The following SMYD3 variants were observed in gnomAD, a reference collection of about 807,000 sequenced individuals.
SMYD3 encodes histone-lysine N-methyltransferase SMYD3.
A neutral mutation model predicts 57.7 loss-of-function variants in SMYD3; 36 were observed. The ratio of observed to expected loss-of-function variants is 0.62; its 90% CI spans 0.48 to 0.82. The LOEUF (loss-of-function observed/expected upper bound fraction) is 0.82. SMYD3 is among the 40% of genes least tolerant of loss of function. The probability of loss-of-function intolerance (pLI) is 0.00; values close to 1 mark genes in which losing one functional copy is unlikely to be tolerated. For missense variants in SMYD3, 515 were observed against 538.8 expected (o/e 0.96, Z 0.44); for synonymous variants, 211 against 195.0 (o/e 1.08, Z -0.68).
At chr1:246,215,155 G>A (rs1035593668) in intron 5 of SMYD3, among the ~76,000 whole-genome samples, 1 of 152,126 alleles carries the variant, frequency 6.6e-6, no homozygotes, top group Non-Finnish European at 1.5e-5. Context: ...TAAAGAGGAT[G>A]TGAAACAGCA....
At chr1:245,940,860 G>A (rs1291321132) in intron 5 of SMYD3, among the ~76,000 whole-genome samples, 2 of 152,146 alleles carry the variant, frequency 1.3e-5, no homozygotes, top group African/African-American at 2.4e-5. Context: ...GGGTAATAAC[G>A]AACTTCACTG....
chr1:246,241,082 T>C (rs1170871199), intron 5 of SMYD3, among the ~76,000 whole-genome samples: 2 of 152,104 alleles, frequency 1.3e-5, no homozygotes, highest in African/African-American at 4.8e-5. Context: ...ATACCCTTTC[T>C]TTCTTTCTCC....
intron 1 of SMYD3, among the ~76,000 whole-genome samples, chr1:246,362,751 C>A (rs1390698532): frequency 6.6e-6 from 1 of 152,274 alleles, no homozygotes; most frequent in Non-Finnish European, 1.5e-5. Context: ...GACGGAGTCT[C>A]GTTCACTCAG....
intron 5 of SMYD3, among the ~76,000 whole-genome samples, chr1:246,001,830 C>G (rs2059053188): frequency 6.6e-6 from 1 of 152,260 alleles, no homozygotes; most frequent in Non-Finnish European, 1.5e-5. Context: ...GAGCTGGCAG[C>G]TACTCAGAGA....
chr1:245,853,406 G>C (rs1002906184), intron 10 of SMYD3, among the ~76,000 whole-genome samples: 1 of 152,218 alleles, frequency 6.6e-6, no homozygotes, highest in African/African-American at 2.4e-5. Context: ...CCCAAAGCAA[G>C]CGCTGGGTAT....
chr1:245,862,414 C>A (rs2051599198), intron 9 of SMYD3, among the ~76,000 whole-genome samples: 1 of 152,184 alleles, frequency 6.6e-6, no homozygotes, highest in Non-Finnish European at 1.5e-5. Context: ...ACTTTTTGAT[C>A]CGAATAGAAA....
chr1:245,839,324 A>T (rs55691353), intron 10 of SMYD3, among the ~76,000 whole-genome samples: 1 of 151,952 alleles, frequency 6.6e-6, no homozygotes, highest in African/African-American at 2.4e-5. Flanking sequence ...TGCCTGCCAC[A>T]GCGCCCAGCT....
At chr1:246,255,534 A>G (rs773491908) in intron 5 of SMYD3, among the ~76,000 whole-genome samples, 4 of 151,958 alleles carry the variant, frequency 2.6e-5, no homozygotes, top group Non-Finnish European at 5.9e-5. Flanking sequence ...AGCCTACTTG[A>G]TCATGGTAAT....
chr1:246,457,516 G>C (rs1211211466), intron 1 of SMYD3, among the ~76,000 whole-genome samples: 8 of 124,386 alleles, frequency 6.4e-5, no homozygotes, highest in Admixed American at 1.1e-4. Context: ...CTGAGCAACA[G>C]AGCGAGACTC....
At chr1:245,875,361 G>A (rs1429297371) in intron 8 of SMYD3, among the ~76,000 whole-genome samples, 2 of 152,242 alleles carry the variant, frequency 1.3e-5, no homozygotes, top group East Asian at 1.9e-4. Context: ...GGAGGGGCAA[G>A]TGATTTCACT....
intron 8 of SMYD3, 31 bp downstream of exon 8, chr1:245,915,499 A>T: frequency 7.3e-7 from 1 of 1,378,688 alleles, no homozygotes; most frequent in East Asian, 2.3e-5. Context: ...TTTGCCGTGG[A>T]GGTGTTTCAA....
chr1:246,122,634 G>T (rs116253251), intron 5 of SMYD3, among the ~76,000 whole-genome samples: 410 of 152,198 alleles, frequency 2.7e-3, no homozygotes, highest in African/African-American at 9.4e-3. Flanking sequence ...ACTAATTAAA[G>T]ACCAAATCAC....
intron 9 of SMYD3, among the ~76,000 whole-genome samples, chr1:245,863,024 G>A (rs2148491514): frequency 6.6e-6 from 1 of 152,228 alleles, no homozygotes; most frequent in East Asian, 1.9e-4. Context: ...TCAGCAAATT[G>A]GAAACCTCAT....
chr1:246,434,409 A>G (rs1251745823), intron 1 of SMYD3, among the ~76,000 whole-genome samples: 1 of 152,272 alleles, frequency 6.6e-6, no homozygotes, highest in Non-Finnish European at 1.5e-5. Context: ...GTCATCCGAC[A>G]AAGGTCTAAT....
chr1:245,926,216 ATAAAGT>A (rs1203187032), intron 7 of SMYD3, among the ~76,000 whole-genome samples: 2 of 152,240 alleles, frequency 1.3e-5, no homozygotes, highest in Non-Finnish European at 2.9e-5. Context: ...GAATTTGGGG[ATAAAGT>A]TTTCAACAGA....
intron 5 of SMYD3, chr1:245,988,542 T>C (rs1245429605): frequency 2.0e-5 from 3 of 152,310 alleles, no homozygotes; most frequent in Non-Finnish European, 2.9e-5. Flanking sequence ...CCTCTGCATG[T>C]GGACAGCGTG....
chr1:246,003,863 TAAATCTAA>T (rs2059124614), intron 5 of SMYD3, among the ~76,000 whole-genome samples: 1 of 152,252 alleles, frequency 6.6e-6, no homozygotes, highest in African/African-American at 2.4e-5. Context: ...TACAGTCGTG[TAAATCTAA>T]GTGATTTATT....
chr1:246,003,117 G>A (rs1394055653), intron 5 of SMYD3, among the ~76,000 whole-genome samples: 4 of 152,236 alleles, frequency 2.6e-5, no homozygotes, highest in Non-Finnish European at 5.9e-5. Flanking sequence ...AAGAGGCGGA[G>A]GGAAAGACGG....
chr1:245,872,830 G>A (rs1217412021), intron 8 of SMYD3, among the ~76,000 whole-genome samples: 2 of 152,170 alleles, frequency 1.3e-5, no homozygotes, highest in Non-Finnish European at 2.9e-5. Flanking sequence ...GAAGGAAGGG[G>A]ATATTCCCTT....
Sources: allele counts gnomAD v4.1 joint callset (sites outside exome capture counted in the v4.1 genomes callset), GRCh38; gene constraint gnomAD v4.1.1; transcripts MANE v1.5; gene names NCBI Gene and HGNC (gene_info 2026-07-23, HGNC 2026-07-21).